The following EDNRB variants were observed in gnomAD, a reference collection of about 807,000 sequenced individuals.
The protein encoded by EDNRB is Hirschsprung disease 2.
EDNRB carries 18 observed loss-of-function variants against 46.4 expected under a neutral mutation model. The observed-to-expected ratio is 0.39, with a 90% CI of 0.27 to 0.57. The LOEUF (loss-of-function observed/expected upper bound fraction) is 0.57. Among genes scored for constraint, EDNRB ranks in the 20% least tolerant of loss-of-function variants. The probability of loss-of-function intolerance (pLI) is 0.61; values close to 1 mark genes in which losing one functional copy is unlikely to be tolerated. For synonymous variants in EDNRB, 213 were observed against 204.9 expected (o/e 1.04, Z -0.34); for missense variants, 434 against 537.5 (o/e 0.81, Z 1.90).
At chr13:77,958,194 G>C (rs1218597953) in intron 1 of EDNRB, among the ~76,000 whole-genome samples, 1 of 152,076 alleles carries the variant, frequency 6.6e-6, no homozygotes, top group Non-Finnish European at 1.5e-5. Context: ...TCAGCTATCT[G>C]GAAATAGAGA....
chr13:77,931,653 G>A (rs1346972678), intron 1 of EDNRB, among the ~76,000 whole-genome samples: 2 of 147,060 alleles, frequency 1.4e-5, no homozygotes, highest in East Asian at 2.0e-4. Context: ...AGGGAGAGAA[G>A]CACTCTTGCT....
At chr13:77,938,291 G>A (rs557007754) in intron 1 of EDNRB, among the ~76,000 whole-genome samples, 17 of 152,092 alleles carry the variant, frequency 1.1e-4, no homozygotes, top group African/African-American at 3.4e-4. Flanking sequence ...AAGGGGTTGG[G>A]GCGCAGAGAT....
At chr13:77,920,924 T>G (rs1160340630), upstream of EDNRB, among the ~76,000 whole-genome samples, 2 of 152,218 alleles carry the variant, frequency 1.3e-5, no homozygotes, top group Non-Finnish European at 2.9e-5. Context: ...CTATGGCTCC[T>G]GTGGGGTGAC....
chr13:77,933,607 C>T (rs905972158), intron 1 of EDNRB, among the ~76,000 whole-genome samples: 2 of 152,102 alleles, frequency 1.3e-5, no homozygotes, highest in Non-Finnish European at 2.9e-5. Flanking sequence ...GATATGATAG[C>T]TTAGCTTGGG....
At chr13:77,927,556 C>A (rs1221306245) in intron 1 of EDNRB, among the ~76,000 whole-genome samples, 1 of 152,174 alleles carries the variant, frequency 6.6e-6, no homozygotes, top group African/African-American at 2.4e-5. Flanking sequence ...TAGGTGTATT[C>A]ATATTTTTCC....
At chr13:77,928,247 G>A (rs575825156) in intron 1 of EDNRB, among the ~76,000 whole-genome samples, 1 of 152,094 alleles carries the variant, frequency 6.6e-6, no homozygotes, top group African/African-American at 2.4e-5. Context: ...ATGAGTGGGG[G>A]CTTACTTCAT....
chr13:77,958,482 C>T (rs1881305084), intron 1 of EDNRB, among the ~76,000 whole-genome samples: 1 of 152,160 alleles, frequency 6.6e-6, no homozygotes, highest in South Asian at 2.1e-4. Flanking sequence ...ATGCCATTCT[C>T]CTGCCTCAGC....
chr13:77,918,869 G>T, upstream of EDNRB: 1 of 1,265,604 alleles, frequency 7.9e-7, no homozygotes, highest in South Asian at 3.3e-5. The surrounding 1 kb of genome is among the most constrained non-coding windows in gnomAD (Gnocchi z 4.5). Flanking sequence ...ATATGCAGTG[G>T]GGCGGGGCGT....
intron 6 of EDNRB, 95 bp from the exon 7 acceptor site, chr13:77,898,429 G>A: frequency 1.3e-6 from 2 of 1,558,926 alleles, no homozygotes; most frequent in South Asian, 1.2e-5. Context: ...TGTATGATTA[G>A]GAGTTCTTGG....
chr13:77,942,850 GC>G (rs1369130140), intron 1 of EDNRB, among the ~76,000 whole-genome samples: 29 of 152,056 alleles, frequency 1.9e-4, no homozygotes, highest in African/African-American at 6.5e-4. Flanking sequence ...AATTATATAG[GC>G]TTTTTCTTAA....
intron 1 of EDNRB, among the ~76,000 whole-genome samples, chr13:77,931,865 AT>A (rs1408825330): frequency 6.6e-6 from 1 of 152,076 alleles, no homozygotes; most frequent in African/African-American, 2.4e-5. Flanking sequence ...TTGTGCAAAA[AT>A]CATGAATAAG....
chr13:77,955,857 CTAT>C (rs1881221923), intron 1 of EDNRB, among the ~76,000 whole-genome samples: 3 of 146,258 alleles, frequency 2.1e-5, no homozygotes, highest in Non-Finnish European at 3.0e-5. Flanking sequence ...ATCTATCTAT[CTAT>C]CTATCTATCT....
At chr13:77,953,602 G>A (rs1881154060) in intron 1 of EDNRB, among the ~76,000 whole-genome samples, 1 of 151,986 alleles carries the variant, frequency 6.6e-6, no homozygotes, top group Admixed American at 6.6e-5. Context: ...ACTAAACGAT[G>A]GAAAACCTTA....
At chr13:77,975,516 C>T (rs1566346154) in exon 1 of EDNRB, 1 of 152,342 alleles carries the variant, frequency 6.6e-6, no homozygotes, top group Non-Finnish European at 1.5e-5. Context: ...GGCCAGAGTC[C>T]CCCACCGGAA....
upstream of EDNRB, chr13:77,919,700 A>C (rs12720157): frequency 3.1e-5 from 42 of 1,340,886 alleles, no homozygotes; most frequent in Non-Finnish European, 4.1e-5. Context: ...ATGCCTGGAC[A>C]GCATCAGTAG....
rs1880284918 is a variant in EDNRB, at chr13:77,927,976, T to C, written c.-51-9352A>G. Among the ~76,000 whole-genome samples the C allele has an allele frequency of 2.0e-5, 3 of 152,210 alleles. No individual in the cohort carries two copies. The East Asian group carries it at 5.8e-4, about 29-fold the overall frequency. On this transcript the variant is annotated intron_variant, in intron 1 of 7. Coordinates refer to the EDNRB transcript ENST00000646948. ...AATGAGAGTTCACCTACACAAGCTC[T>C]CTTGCCTGCTGCCAAGTAAGAAGTG...
intron 1 of EDNRB, among the ~76,000 whole-genome samples, chr13:77,965,675 G>C (rs1242603044): frequency 1.3e-5 from 2 of 152,100 alleles, no homozygotes; most frequent in East Asian, 3.9e-4. Flanking sequence ...TAAAATGCAA[G>C]AGCAATAAGG....
chr13:77,962,452 C>T (rs893203504), intron 1 of EDNRB, among the ~76,000 whole-genome samples: 2 of 150,170 alleles, frequency 1.3e-5, no homozygotes, highest in African/African-American at 4.9e-5. Context: ...TGGGCTTCAT[C>T]CTGCTGGTTC....
chr13:77,923,888 T>A (rs1362866396), upstream of EDNRB, among the ~76,000 whole-genome samples: 1 of 152,156 alleles, frequency 6.6e-6, no homozygotes, highest in African/African-American at 2.4e-5. Flanking sequence ...CTTCTTCTTT[T>A]GTTTTTAACA....
Sources: allele counts gnomAD v4.1 joint callset (sites outside exome capture counted in the v4.1 genomes callset), GRCh38; gene constraint gnomAD v4.1.1; non-coding constraint Gnocchi (gnomAD v3.1); transcripts MANE v1.5; gene names NCBI Gene and HGNC (gene_info 2026-07-23, HGNC 2026-07-21).